The following SLC13A1 variants were observed in gnomAD, a reference collection of about 807,000 sequenced individuals.
SLC13A1 encodes Na(+)/sulfate cotransporter.
A neutral mutation model predicts 70.0 loss-of-function variants in SLC13A1; 65 were observed. That is an observed-to-expected ratio of 0.93 (90% CI 0.76 to 1.14). The LOEUF is 1.14. Ranked by LOEUF, SLC13A1 falls within the 50% of genes most tolerant of loss-of-function variation. SLC13A1 has a pLI of 0.00. For missense variants in SLC13A1, 726 were observed against 717.8 expected (o/e 1.01, Z -0.13); for synonymous variants, 275 against 250.5 (o/e 1.10, Z -0.92).
chr7:123,162,121 T>C (rs1289530348), intron 6 of SLC13A1, among the ~76,000 whole-genome samples: 1 of 151,886 alleles, frequency 6.6e-6, no homozygotes, highest in Admixed American at 6.6e-5. Context: ...AAATAAGCTA[T>C]GTAGTGTGGG....
At chr7:123,172,156 A>G (rs1237829570) in intron 2 of SLC13A1, among the ~76,000 whole-genome samples, 1 of 152,322 alleles carries the variant, frequency 6.6e-6, no homozygotes, top group East Asian at 1.9e-4. Context: ...AACATCAGGT[A>G]AGTGCTTTTC....
At chr7:123,145,643 G>A (rs1247189556) in intron 7 of SLC13A1, among the ~76,000 whole-genome samples, 3 of 152,266 alleles carry the variant, frequency 2.0e-5, no homozygotes, top group South Asian at 2.1e-4. Flanking sequence ...CTGGTACTGT[G>A]AGTTTCAGAA....
intron 6 of SLC13A1, among the ~76,000 whole-genome samples, chr7:123,165,947 G>A (rs966821305): frequency 1.3e-5 from 2 of 151,978 alleles, no homozygotes; most frequent in African/African-American, 2.4e-5. Context: ...TTAAAGTGCT[G>A]ACAAGGTAGA....
In SLC13A1 at chr7:123,114,556, CAG is replaced by C. The variant is rs1563312766; in HGVS notation, c.*960_*961del. The C allele has an allele frequency of 2.6e-5, 4 of 151,498 alleles. No homozygotes were observed. Among genetic ancestry groups the C allele is most frequent in the African/African-American group, 7.3e-5 (3 of 41,300 alleles). The allele number at this position is 151,498 out of a possible 1,614,324, so 9.4% of individuals were successfully genotyped here. Reference sequence around the variant, plus strand: ...TTTTTTCATTGCAATGTTAACACACCAGAGTTATGTGATTTTTCTGTCTGTAT... The same window carrying C: ...TTTTTTCATTGCAATGTTAACACACCAGTTATGTGATTTTTCTGTCTGTAT... On this transcript the variant is annotated 3_prime_UTR_variant, in exon 15 of 15. Transcript: ENST00000194130.
At chr7:123,163,208 T>C (rs1794969121) in intron 6 of SLC13A1, among the ~76,000 whole-genome samples, 1 of 152,064 alleles carries the variant, frequency 6.6e-6, no homozygotes, top group Admixed American at 6.6e-5. Context: ...ACCTGACAAA[T>C]ATATTTCCTC....
chr7:123,186,179 T>A (rs959688418), intron 1 of SLC13A1, among the ~76,000 whole-genome samples: 1 of 152,022 alleles, frequency 6.6e-6, no homozygotes, highest in South Asian at 2.1e-4. Context: ...CTGTGAATAA[T>A]CTTGCTAAGA....
intron 1 of SLC13A1, among the ~76,000 whole-genome samples, chr7:123,182,001 G>A (rs1260616608): frequency 1.3e-5 from 2 of 151,764 alleles, no homozygotes; most frequent in Admixed American, 1.3e-4. Flanking sequence ...TTGGGGCTTG[G>A]GATTTACTTG....
chr7:123,116,076 T>G (rs1212300781), intron 14 of SLC13A1, among the ~76,000 whole-genome samples: 1 of 152,216 alleles, frequency 6.6e-6, no homozygotes, highest in Non-Finnish European at 1.5e-5. Flanking sequence ...GTTTTATATT[T>G]CAATGAATAA....
chr7:123,162,795 T>C (rs550204655), intron 6 of SLC13A1, among the ~76,000 whole-genome samples: 2 of 152,210 alleles, frequency 1.3e-5, no homozygotes, highest in South Asian at 4.1e-4. Flanking sequence ...AAGTGTTGTC[T>C]TGTACAATTG....
Position 123,168,410 on chromosome 7 carries a change from A to G in SLC13A1, c.624T>C (p.Asp208=). The part of the protein sequence containing the change: ...KTKPVPGYNN[D]TGKISSKVEL... ...CCACCTTGCTTGAAATTTTCCCTGT[A>G]TCATTATTGTATCTGAAAAATACAT... The change falls in exon 6 of 15, where the codon GAT becomes GAC. Residue 208 remains aspartate (D), a synonymous_variant. Coordinates refer to ENST00000194130, the MANE Select transcript of SLC13A1 (RefSeq NM_022444.4). The G allele has an allele frequency of 6.3e-7, 1 of 1,593,444 alleles. No homozygotes were observed. The highest frequency in any genetic ancestry group is 1.1e-5 in the South Asian group (1 of 88,520).
At chr7:123,199,182 A>G (rs2116706281) in intron 1 of SLC13A1, among the ~76,000 whole-genome samples, 1 of 152,236 alleles carries the variant, frequency 6.6e-6, no homozygotes, top group East Asian at 1.9e-4. Flanking sequence ...AAGAAATTAA[A>G]CATGCTTGAG....
intron 6 of SLC13A1, among the ~76,000 whole-genome samples, chr7:123,166,985 C>T (rs915025309): frequency 6.6e-6 from 1 of 152,096 alleles, no homozygotes; most frequent in Non-Finnish European, 1.5e-5. Flanking sequence ...AAATCAAAAC[C>T]ACAATGAGAT....
chr7:123,150,434 G>A (rs1455478103), intron 6 of SLC13A1, among the ~76,000 whole-genome samples: 1 of 152,062 alleles, frequency 6.6e-6, no homozygotes, highest in Non-Finnish European at 1.5e-5. Context: ...CAGACTATTG[G>A]AATTTTCATC....
intron 6 of SLC13A1, among the ~76,000 whole-genome samples, chr7:123,159,345 G>A (rs978314158): frequency 2.0e-5 from 3 of 152,194 alleles, no homozygotes; most frequent in Non-Finnish European, 2.9e-5. Context: ...TAATCCGATA[G>A]GGCTGATGTC....
chr7:123,193,800 T>C (rs1203040504), intron 1 of SLC13A1, among the ~76,000 whole-genome samples: 1 of 152,120 alleles, frequency 6.6e-6, no homozygotes, highest in East Asian at 1.9e-4. Context: ...CATTTACTAT[T>C]GTTACCAAAC....
intron 7 of SLC13A1, among the ~76,000 whole-genome samples, chr7:123,138,070 A>G (rs896756081): frequency 2.0e-5 from 3 of 152,022 alleles, no homozygotes; most frequent in Non-Finnish European, 4.4e-5. Context: ...CCCACACCCT[A>G]TTATCCTTCC....
chr7:123,159,014 A>C (rs1794800280), intron 6 of SLC13A1, among the ~76,000 whole-genome samples: 1 of 152,070 alleles, frequency 6.6e-6, no homozygotes, highest in Admixed American at 6.6e-5. Context: ...AATAAATATG[A>C]ACATAACTCT....
chr7:123,147,304 C>T lies in SLC13A1; in HGVS notation c.667G>A (p.Gly223Ser). The part of the protein sequence containing the change: ...SSKVELEKNS[G>S]MRTKYRTKKG... ...TTTGTTCGATATTTGGTTCTCATGC[C>T]TGAGTTCTGTTCAACAACAACAAAA... Residue 223 changes from glycine (G) to serine (S), a missense_variant, in exon 7 of 15, where the codon GGC becomes AGC. By Grantham distance (56) the Gly-to-Ser change is moderately conservative. Coordinates refer to ENST00000194130, the MANE Select transcript of SLC13A1 (RefSeq NM_022444.4). 6.2e-7 allele frequency: 1 copy of T among 1,613,212 alleles called. No homozygotes were observed. The highest frequency in any genetic ancestry group is 8.5e-7 in the Non-Finnish European group (1 of 1,179,630).
chr7:123,124,235 G>GA (rs1373518959), intron 11 of SLC13A1, among the ~76,000 whole-genome samples: 3 of 152,130 alleles, frequency 2.0e-5, no homozygotes, highest in Non-Finnish European at 4.4e-5. Flanking sequence ...TTCAGATGTG[G>GA]AAACCAGGGA....
Sources: gnomAD v4.1 joint callset for allele counts (sites outside exome capture counted in the v4.1 genomes callset) on GRCh38, gnomAD v4.1.1 for gene constraint, MANE v1.5 for transcripts, NCBI Gene and HGNC (gene_info 2026-07-23, HGNC 2026-07-21) for gene names.